WIPI2: variants seen among roughly 807,000 people sequenced by gnomAD.
WIPI2 encodes WD repeat domain phosphoinositide-interacting protein 2.
Under a neutral mutation model 52.3 loss-of-function variants are expected in WIPI2, and 28 were observed. The ratio of observed to expected loss-of-function variants is 0.54; its 90% CI spans 0.40 to 0.73. The LOEUF (loss-of-function observed/expected upper bound fraction) is 0.73, where lower values mean the gene tolerates loss of function less well. Ranked by LOEUF, WIPI2 falls within the 30% of genes least tolerant of loss-of-function variation. The pLI is 0.00. For missense variants in WIPI2, 506 were observed against 602.9 expected (o/e 0.84, Z 1.68); for synonymous variants, 268 against 245.0 (o/e 1.09, Z -0.88).
chr7:5,193,310 C>T (rs1781567438), intron 2 of WIPI2, 139 bp downstream of exon 2: 11 of 1,488,596 alleles, frequency 7.4e-6, no homozygotes, highest in Non-Finnish European at 9.8e-6. Flanking sequence ...ATATCAAGGA[C>T]TACATTTTTC....
rs1781413028 is a variant in WIPI2, at chr7:5,190,375, C to G, written c.-45C>G. ...CTGAGTGCAGCCTGACCCGCCCTCGCGCGCGCGCCCTCCCCGGCCGGGCCC... is the reference window on the plus strand; with the variant it reads ...CTGAGTGCAGCCTGACCCGCCCTCGGGCGCGCGCCCTCCCCGGCCGGGCCC... On this transcript the variant is annotated 5_prime_UTR_variant, in exon 1 of 13. Transcript: ENST00000288828. 2 of 1,304,176 alleles carry G rather than the reference C, an allele frequency of 1.5e-6. No homozygotes were observed. Among genetic ancestry groups the G allele is most frequent in the Middle Eastern group, 4.9e-4 (2 of 4,092 alleles). The allele number at this position is 1,304,176 out of a possible 1,614,324, so 80.8% of individuals were successfully genotyped here.
chr7:5,220,589 T>A (rs1783069932), intron 7 of WIPI2, among the ~76,000 whole-genome samples: 2 of 152,018 alleles, frequency 1.3e-5, no homozygotes, highest in Non-Finnish European at 2.9e-5. Context: ...TGATCATGGC[T>A]CACTGCAGCT....
intron 3 of WIPI2, chr7:5,213,292 T>G (rs781652275): frequency 6.6e-6 from 1 of 152,280 alleles, no homozygotes; most frequent in African/African-American, 2.4e-5. Context: ...GACAGCTTTC[T>G]GGTAAAAGCA....
At chr7:5,201,564 C>G (rs1380523501) in intron 3 of WIPI2, among the ~76,000 whole-genome samples, 1 of 152,130 alleles carries the variant, frequency 6.6e-6, no homozygotes, top group Admixed American at 6.6e-5. Context: ...GCCAACATGG[C>G]AAAACCCTGT....
rs1222639508 is a variant in WIPI2 at position 5,230,961 on chromosome 7, C to A, written c.*14C>A. 6.2e-7 allele frequency: 1 copy of A among 1,604,826 alleles called. No homozygotes were observed. Among genetic ancestry groups the A allele is most frequent in the East Asian group, 2.3e-5 (1 of 44,390 alleles). On this transcript the variant is annotated 3_prime_UTR_variant, in exon 13 of 13. Coordinates refer to ENST00000288828, the MANE Select transcript of WIPI2 (RefSeq NM_015610.4). This position sits in a 1 kb window ranked among gnomAD's most constrained non-coding sequence, Gnocchi z 4.8. ...CGGACTGACTGAACTTGACCTGTGA[C>A]CTCTGACCCGGGGAGCAGAGAACAC... is the stretch of plus-strand genomic sequence containing the variant.
At chr7:5,218,175 G>C (rs536016702) in intron 7 of WIPI2, 161 bp downstream of exon 7, 1 of 654,100 alleles carries the variant, frequency 1.5e-6, no homozygotes, top group Non-Finnish European at 2.6e-6. Context: ...TGTACTGCCC[G>C]AGAGTGAGCG....
At position 5,228,185 on chromosome 7, in the gene WIPI2, C is replaced by T. The variant is rs1276098745; in HGVS notation, c.1095C>T (p.Gly365=). The T allele has an allele frequency of 6.2e-7, 1 of 1,613,436 alleles. No individual in the cohort carries two copies. Among genetic ancestry groups the T allele is most frequent in the Non-Finnish European group, 8.5e-7 (1 of 1,179,928 alleles). The change falls in exon 11 of 13, where the codon GGC becomes GGT. Residue 365 remains glycine (G), a synonymous_variant. Coordinates refer to ENST00000288828, the MANE Select transcript of WIPI2 (RefSeq NM_015610.4). ...ACAACCTGGACCCCCAGGAGGGCGG[C>T]GAGTGTGCCCTGATGAAGCAGCACC... ...YMYNLDPQEG[G]ECALMKQHRL...
chr7:5,207,881 T>A (rs1782369813), intron 3 of WIPI2, among the ~76,000 whole-genome samples: 1 of 145,492 alleles, frequency 6.9e-6, no homozygotes, highest in African/African-American at 2.5e-5. Flanking sequence ...TTCTCCTCCC[T>A]CAGCCTCCCA....
At position 5,229,785 on chromosome 7, in the gene WIPI2, C is replaced by T. The variant is rs376192286; in HGVS notation, c.1252+47C>T. ...TGGAAGGTAATTAGCCCCACAGCCCCGAGTGCTACTGCCTTCTGCTGGCTC... is the reference window on the plus strand; with the variant it reads ...TGGAAGGTAATTAGCCCCACAGCCCTGAGTGCTACTGCCTTCTGCTGGCTC... On this transcript the variant is annotated intron_variant, in intron 12 of 12. Coordinates refer to ENST00000288828, the MANE Select transcript of WIPI2 (RefSeq NM_015610.4). The T allele has an allele frequency of 2.5e-4, 398 of 1,608,086 alleles. 2 individuals are homozygous for T. Among genetic ancestry groups the T allele is most frequent in the African/African-American group, 8.8e-4 (66 of 74,914 alleles).
At chr7:5,203,625 C>G (rs566541848) in intron 3 of WIPI2, among the ~76,000 whole-genome samples, 2 of 66,394 alleles carry the variant, frequency 3.0e-5, no homozygotes, top group African/African-American at 1.1e-4. Context: ...TACGTTCAGC[C>G]TTTTTTTTTT....
At chr7:5,211,214 G>A (rs1451003329) in intron 3 of WIPI2, among the ~76,000 whole-genome samples, 1 of 152,242 alleles carries the variant, frequency 6.6e-6, no homozygotes, top group East Asian at 1.9e-4. Flanking sequence ...GCTCACGCCT[G>A]TAATCCAAGC....
rs749191501 is a variant in WIPI2, at chr7:5,230,911, C to T, written c.1329C>T (p.Asp443=). The change falls in exon 13 of 13, where the codon GAC becomes GAT. Residue 443 remains aspartate, a synonymous_variant. Coordinates refer to ENST00000288828, the MANE Select transcript of WIPI2 (RefSeq NM_015610.4). This position sits in a 1 kb window ranked among gnomAD's most constrained non-coding sequence, Gnocchi z 4.8. ...DEASALRLDE[D]SEHPPMILRT... ...CCAGCGCCCTGCGCCTGGATGAGGACAGCGAGCACCCGCCCATGATTCTTC... is the reference window on the plus strand; with the variant it reads ...CCAGCGCCCTGCGCCTGGATGAGGATAGCGAGCACCCGCCCATGATTCTTC... The T allele has an allele frequency of 5.6e-6, 9 of 1,613,638 alleles. No homozygotes were observed. In the Middle Eastern group the frequency reaches 6.6e-4, roughly 118 times the overall value.
chr7:5,206,381 A>G (rs78500328), intron 3 of WIPI2, among the ~76,000 whole-genome samples: 7,151 of 152,294 alleles, frequency 0.047, 564 homozygotes, highest in African/African-American at 0.16. Flanking sequence ...AATGGTAGAA[A>G]GTTAATATTT....
At position 5,230,897 on chromosome 7, in the gene WIPI2, C is replaced by T. The variant is rs780899323; in HGVS notation, c.1315C>T (p.Arg439Cys). Residue 439 changes from arginine to cysteine, a missense_variant, in exon 13 of 13, where the codon CGC becomes TGC. By Grantham distance (180) the Arg-to-Cys change is radical (BLOSUM62 -3). Transcript: ENST00000288828. The surrounding 1 kb of genome is among the most constrained non-coding windows in gnomAD (Gnocchi z 4.8). ...ACLEDEASAL[R>C]LDEDSEHPPM... ...CCTGGAGGACGAGGCCAGCGCCCTGCGCCTGGATGAGGACAGCGAGCACCC... is the reference window on the plus strand; with the variant it reads ...CCTGGAGGACGAGGCCAGCGCCCTGTGCCTGGATGAGGACAGCGAGCACCC... The T allele has an allele frequency of 1.3e-5, 21 of 1,613,696 alleles. No homozygotes were observed. In the Middle Eastern group the frequency reaches 5.0e-4, roughly 38 times the overall value.
In WIPI2 at chr7:5,230,769, G is replaced by A. The variant is rs1783689661; in HGVS notation, c.1253-66G>A. 8.2e-7 allele frequency: 1 copy of A among 1,213,488 alleles called. No individual in the cohort carries two copies. Among genetic ancestry groups the A allele is most frequent in the African/African-American group, 1.5e-5 (1 of 65,508 alleles). The allele number at this position is 1,213,488 out of a possible 1,614,324, so 75.2% of individuals were successfully genotyped here. ...CAGTGTTTCCAAAACACAGTCCTCAGTGTGTGTCATGGGGTCTGTGGTGTG... is the reference window on the plus strand; with the variant it reads ...CAGTGTTTCCAAAACACAGTCCTCAATGTGTGTCATGGGGTCTGTGGTGTG... On this transcript the variant is annotated intron_variant, in intron 12 of 12. Transcript: ENST00000288828. This position sits in a 1 kb window ranked among gnomAD's most constrained non-coding sequence, Gnocchi z 4.8.
chr7:5,229,528 G>A, intron 11 of WIPI2, 80 bp from the exon 12 acceptor site: 1 of 1,518,974 alleles, frequency 6.6e-7, no homozygotes. Flanking sequence ...TGGCTCTGTT[G>A]CCGCAGGGCA....
rs915368941 is a variant in WIPI2, at chr7:5,231,824, G to C, written c.*877G>C. The C allele has an allele frequency of 5.0e-6, 1 of 198,172 alleles. No homozygotes were observed. Among genetic ancestry groups the C allele is most frequent in the African/African-American group, 2.3e-5 (1 of 43,054 alleles). 12.3% of individuals were successfully genotyped at this position (198,172 alleles called of 1,614,324 possible). On this transcript the variant is annotated 3_prime_UTR_variant, in exon 13 of 13. Coordinates refer to ENST00000288828, the MANE Select transcript of WIPI2 (RefSeq NM_015610.4). The stretch of plus-strand genomic sequence containing the variant: ...AGCACAGAACTCAAGTGTGGTGGCC[G>C]TCTGAGCTGTCCTTTCGCTGGCCCC...
intron 2 of WIPI2, among the ~76,000 whole-genome samples, chr7:5,198,911 T>G (rs1158831628): frequency 6.6e-6 from 1 of 152,242 alleles, no homozygotes; most frequent in Non-Finnish European, 1.5e-5. Context: ...AATAGTTACC[T>G]TTTTGTGACA....
chr7:5,230,986 C>G lies in WIPI2; in HGVS notation c.*39C>G. 1.9e-6 allele frequency: 3 copies of G among 1,565,868 alleles called. No individual in the cohort carries two copies. Among genetic ancestry groups the G allele is most frequent in the Non-Finnish European group, 2.6e-6 (3 of 1,147,410 alleles). The stretch of plus-strand genomic sequence containing the variant: ...CCTCTGACCCGGGGAGCAGAGAACA[C>G]TGGCTTCACAGAGGACTTTGTGCAT... On this transcript the variant is annotated 3_prime_UTR_variant, in exon 13 of 13. Coordinates refer to ENST00000288828, the MANE Select transcript of WIPI2 (RefSeq NM_015610.4). This position sits in a 1 kb window ranked among gnomAD's most constrained non-coding sequence, Gnocchi z 4.8.
Sources: allele counts gnomAD v4.1 joint callset (sites outside exome capture counted in the v4.1 genomes callset), GRCh38; gene constraint gnomAD v4.1.1; non-coding constraint Gnocchi (gnomAD v3.1); transcripts MANE v1.5; gene names NCBI Gene and HGNC (gene_info 2026-07-23, HGNC 2026-07-21).